KCNIP4: variants seen among roughly 807,000 people sequenced by gnomAD.
KCNIP4 encodes potassium voltage-gated channel interacting protein 4.
In KCNIP4, 12 loss-of-function variants were observed where a neutral mutation model predicts 34.0. That is an observed-to-expected ratio of 0.35 (90% confidence interval 0.23 to 0.57). The LOEUF (loss-of-function observed/expected upper bound fraction) is 0.57. Ranked by LOEUF, KCNIP4 falls within the 20% of genes least tolerant of loss-of-function variation. The pLI is 0.83. For synonymous variants in KCNIP4, 124 were observed against 102.2 expected (o/e 1.21, Z -1.29); for missense variants, 238 against 311.7 (o/e 0.76, Z 1.78).
chr4:21,223,221 G>A (rs1758109426), intron 1 of KCNIP4, among the ~76,000 whole-genome samples: 1 of 152,164 alleles, frequency 6.6e-6, no homozygotes, highest in Admixed American at 6.6e-5. Flanking sequence ...CAGAGAGAGA[G>A]CAAGATACTG....
intron 1 of KCNIP4, among the ~76,000 whole-genome samples, chr4:21,688,919 C>T (rs1577849157): frequency 6.6e-6 from 1 of 151,990 alleles, no homozygotes; most frequent in South Asian, 2.1e-4. Flanking sequence ...CGTTGCTTCA[C>T]CTACCTTGCC....
intron 1 of KCNIP4, among the ~76,000 whole-genome samples, chr4:21,289,430 C>G (rs1763307158): frequency 6.6e-6 from 1 of 152,088 alleles, no homozygotes; most frequent in South Asian, 2.1e-4. Flanking sequence ...TTAACTATCC[C>G]ATAGCATAGA....
At position 21,428,884 on chromosome 4, in the gene KCNIP4, T is replaced by C. The variant is rs552629832; in HGVS notation, c.61+519687A>G. Among the ~76,000 whole-genome samples the C allele has an allele frequency of 7.9e-5, 12 of 152,276 alleles. No individual in the cohort carries two copies. In the South Asian group the frequency reaches 2.5e-3, roughly 32 times the overall value. On this transcript the variant is annotated intron_variant, in intron 1 of 8. Transcript: ENST00000382152. ...TGGAATGAAGAGTAGAGAGTTCCCA[T>C]ATACTCTCTGCCCCCACACAAGCAC...
At chr4:21,889,817 T>C (rs934333782) in intron 1 of KCNIP4, among the ~76,000 whole-genome samples, 4 of 152,146 alleles carry the variant, frequency 2.6e-5, no homozygotes, top group Non-Finnish European at 4.4e-5. Context: ...GGCTTCATGA[T>C]GTATTTCCTC....
At chr4:21,891,896 T>G (rs1727118157) in intron 1 of KCNIP4, among the ~76,000 whole-genome samples, 1 of 152,090 alleles carries the variant, frequency 6.6e-6, no homozygotes, top group South Asian at 2.1e-4. Context: ...CTCTGTCTCT[T>G]TTTCAGAACG....
At chr4:21,278,493 C>G (rs1172275923) in intron 1 of KCNIP4, among the ~76,000 whole-genome samples, 1 of 152,156 alleles carries the variant, frequency 6.6e-6, no homozygotes, top group African/African-American at 2.4e-5. Context: ...TGGCCTCCAG[C>G]TCCATCCAGG....
chr4:21,882,927 C>A (rs1224971083), intron 1 of KCNIP4, among the ~76,000 whole-genome samples: 2 of 152,074 alleles, frequency 1.3e-5, no homozygotes, highest in Non-Finnish European at 2.9e-5. Context: ...AAGAGCTCAA[C>A]AGAATGTTTT....
At chr4:21,873,187 C>T (rs1385248611) in intron 1 of KCNIP4, among the ~76,000 whole-genome samples, 2 of 152,122 alleles carry the variant, frequency 1.3e-5, no homozygotes, top group African/African-American at 4.8e-5. Context: ...TTAATTTATT[C>T]AACAAAGATT....
chr4:21,630,396 T>C (rs1033883921), intron 1 of KCNIP4, among the ~76,000 whole-genome samples: 19 of 151,556 alleles, frequency 1.3e-4, no homozygotes, highest in African/African-American at 4.6e-4. Context: ...AAGGTGGAGG[T>C]TGCAGTGAGC....
rs889015035 is a variant in KCNIP4, at chr4:21,649,562, A to T, written c.61+299009T>A. Among the ~76,000 whole-genome samples, 3 of 152,186 alleles carry T rather than the reference A, an allele frequency of 2.0e-5. No homozygotes were observed. The East Asian group carries it at 5.8e-4, about 29-fold the overall frequency. On this transcript the variant is annotated intron_variant, in intron 1 of 8. Transcript: ENST00000382152. ...GTTCCCTACATCTAGGGTGTTTTCA[A>T]GCATGTGATCCATAGTGAAACAGGC...
chr4:20,878,754 A>C (rs1251408497), intron 2 of KCNIP4, among the ~76,000 whole-genome samples: 1 of 152,218 alleles, frequency 6.6e-6, no homozygotes, highest in Non-Finnish European at 1.5e-5. Context: ...AGTATGAGGC[A>C]CAACAGGAAT....
chr4:21,511,884 A>G (rs1734341636), intron 1 of KCNIP4, among the ~76,000 whole-genome samples: 1 of 152,082 alleles, frequency 6.6e-6, no homozygotes, highest in Non-Finnish European at 1.5e-5. Context: ...CAGAGACAAG[A>G]CTTAATTTGA....
Position 21,011,861 on chromosome 4 carries a change from G to A in KCNIP4, c.62-129152C>T, listed in dbSNP as rs75542825. Among the ~76,000 whole-genome samples the A allele has an allele frequency of 3.1e-3, 474 of 152,218 alleles. 1 individual carries two copies. The highest frequency in any genetic ancestry group is 6.8e-3 in the Middle Eastern group (2 of 294). On this transcript the variant is annotated intron_variant, in intron 1 of 8. Coordinates refer to ENST00000382152, the MANE Select transcript of KCNIP4 (RefSeq NM_025221.6). ...ATTTTTGGATGCACTTAATGCTTTC[G>A]TTTCTTCTTTTCAGATTCTGATTTA...
intron 5 of KCNIP4, among the ~76,000 whole-genome samples, chr4:20,749,049 T>G (rs1422477063): frequency 6.6e-6 from 1 of 151,638 alleles, no homozygotes; most frequent in Non-Finnish European, 1.5e-5. Flanking sequence ...TCCCAGCTAC[T>G]CAGGAGGCTG....
chr4:20,880,935 C>G lies in KCNIP4; in HGVS notation c.163+1673G>C, dbSNP rs553409633. Among the ~76,000 whole-genome samples the G allele has an allele frequency of 3.3e-5, 5 of 152,278 alleles. No individual in the cohort carries two copies. In the South Asian group the frequency reaches 1.0e-3, roughly 32 times the overall value. ...AAAGAAAAAAATCACAGCAATGTATCTAAACTATAATTTTAATTTTTGTAT... is the reference window on the plus strand; with the variant it reads ...AAAGAAAAAAATCACAGCAATGTATGTAAACTATAATTTTAATTTTTGTAT... On this transcript the variant is annotated intron_variant, in intron 2 of 8. Coordinates refer to ENST00000382152, the MANE Select transcript of KCNIP4 (RefSeq NM_025221.6).
chr4:21,760,722 C>A (rs887526403), intron 1 of KCNIP4, among the ~76,000 whole-genome samples: 1 of 151,948 alleles, frequency 6.6e-6, no homozygotes, highest in Non-Finnish European at 1.5e-5. Flanking sequence ...TATTAAAAAG[C>A]TAAAATTTTA....
intron 1 of KCNIP4, among the ~76,000 whole-genome samples, chr4:20,909,986 T>G (rs1024927237): frequency 3.3e-5 from 5 of 152,208 alleles, no homozygotes; most frequent in African/African-American, 1.2e-4. Context: ...TCTAGTCTTC[T>G]CATTAAGTGA....
chr4:21,422,896 AC>A (rs1163678310), intron 1 of KCNIP4, among the ~76,000 whole-genome samples: 1 of 152,196 alleles, frequency 6.6e-6, no homozygotes, highest in Admixed American at 6.5e-5. Flanking sequence ...CCACTGGTTG[AC>A]CAGAAGATAC....
Position 21,694,931 on chromosome 4 carries a change from TAAA to T in KCNIP4, c.61+253637_61+253639del, listed in dbSNP as rs1230012484. Among the ~76,000 whole-genome samples the T allele has an allele frequency of 4.6e-4, 22 of 47,412 alleles. 1 individual carries two copies. Among genetic ancestry groups the T allele is most frequent in the African/African-American group, 1.4e-3 (21 of 15,488 alleles). The allele number at this position is 47,412 out of a possible 152,430, so 31.1% of individuals were successfully genotyped here. A position where few individuals can be genotyped will look rare whatever the true frequency, so the allele number is the denominator to read the frequency against. On this transcript the variant is annotated intron_variant, in intron 1 of 8. Coordinates refer to ENST00000382152, the MANE Select transcript of KCNIP4 (RefSeq NM_025221.6). ...CGATTGACCAAAAAAAAAAAAAAAA[TAAA>T]AATAAATAAATAAATAAAGGGCTTT...
Sources: allele counts gnomAD v4.1 joint callset (sites outside exome capture counted in the v4.1 genomes callset), GRCh38; gene constraint gnomAD v4.1.1; transcripts MANE v1.5; gene names NCBI Gene and HGNC (gene_info 2026-07-23, HGNC 2026-07-21).